The following KIF3B variants were observed in gnomAD, a reference collection of about 807,000 sequenced individuals.
KIF3B encodes kinesin family member 3B.
Under a neutral mutation model 74.3 loss-of-function variants are expected in KIF3B, and 38 were observed. The ratio of observed to expected loss-of-function variants is 0.51; its 90% CI spans 0.39 to 0.67. The LOEUF (loss-of-function observed/expected upper bound fraction) is 0.67. Among genes scored for constraint, KIF3B ranks in the 30% least tolerant of loss-of-function variants. The pLI, the probability that KIF3B is intolerant of heterozygous loss-of-function variation, is 0.00. For missense variants in KIF3B, 649 were observed against 932.0 expected, an observed-to-expected ratio of 0.70 and a Z score of 3.95; for synonymous variants, 326 against 342.5, an observed-to-expected ratio of 0.95 and a Z score of 0.53.
intron 5 of KIF3B, among the ~76,000 whole-genome samples, chr20:32,317,202 A>C (rs1569204475): frequency 6.6e-6 from 1 of 152,098 alleles, no homozygotes; most frequent in Non-Finnish European, 1.5e-5. Context: ...GTGCCACTGC[A>C]CTCCAGCCTG....
At chr20:32,304,102 C>T (rs969404998) in intron 1 of KIF3B, among the ~76,000 whole-genome samples, 10 of 152,206 alleles carry the variant, frequency 6.6e-5, no homozygotes, top group Middle Eastern at 3.4e-3. Flanking sequence ...TTACAGAAAA[C>T]GGGTTCAGAG....
chr20:32,319,463 T>C (rs1315286648), intron 5 of KIF3B, among the ~76,000 whole-genome samples: 1 of 132,840 alleles, frequency 7.5e-6, no homozygotes, highest in Non-Finnish European at 1.6e-5. Flanking sequence ...CATTTTAAAA[T>C]GGGGTTGTTT....
At chr20:32,300,650 A>G (rs2047739056) in intron 1 of KIF3B, among the ~76,000 whole-genome samples, 1 of 152,038 alleles carries the variant, frequency 6.6e-6, no homozygotes, top group South Asian at 2.1e-4. Context: ...CTGGCCACAA[A>G]GAATCCTCCC....
At chr20:32,285,613 C>A (rs577961653) in intron 1 of KIF3B, among the ~76,000 whole-genome samples, 1 of 152,312 alleles carries the variant, frequency 6.6e-6, no homozygotes, top group East Asian at 1.9e-4. Flanking sequence ...TGCTGTGTGA[C>A]TTGGAGCAAG....
chr20:32,322,758 T>TTATATATATTTA lies in KIF3B; in HGVS notation c.1749-3993_1749-3982dup, dbSNP rs1288906607. Among the ~76,000 whole-genome samples the TTATATATATTTA allele has an allele frequency of 2.6e-3, 112 of 42,628 alleles. 16 individuals carry two copies. The highest frequency in any genetic ancestry group is 0.011 in the African/African-American group (95 of 8,454). The allele number at this position is 42,628 out of a possible 152,430, so 28.0% of individuals were successfully genotyped here. A position where few individuals can be genotyped will look rare whatever the true frequency, so the allele number is the denominator to read the frequency against. ...TATATATATTTATTTATATATATAT[T>TTATATATATTTA]TATATATATTTATATATATATTTAT... On this transcript the variant is annotated intron_variant, in intron 5 of 8. Coordinates refer to ENST00000375712, the MANE Select transcript of KIF3B (RefSeq NM_004798.4).
At chr20:32,289,244 G>T (rs1039498036) in intron 1 of KIF3B, among the ~76,000 whole-genome samples, 1 of 149,550 alleles carries the variant, frequency 6.7e-6, no homozygotes, top group African/African-American at 2.5e-5. Context: ...ACCCAGGCTG[G>T]AGTGCAGTGG....
chr20:32,300,321 G>A (rs1229850049), intron 1 of KIF3B, among the ~76,000 whole-genome samples: 5 of 150,416 alleles, frequency 3.3e-5, no homozygotes, highest in Non-Finnish European at 5.9e-5. Flanking sequence ...TCTGTCGCCC[G>A]GGCTGGAGTG....
intron 5 of KIF3B, among the ~76,000 whole-genome samples, chr20:32,324,281 G>C (rs528503971): frequency 6.6e-5 from 10 of 152,106 alleles, no homozygotes; most frequent in Non-Finnish European, 1.3e-4. Flanking sequence ...AAAAATTAAT[G>C]ATGTCTGAGC....
intron 1 of KIF3B, among the ~76,000 whole-genome samples, chr20:32,300,454 T>C (rs751996369): frequency 1.3e-5 from 2 of 152,074 alleles, no homozygotes; most frequent in Non-Finnish European, 2.9e-5. Context: ...TTTTTCTGTA[T>C]TTTTTTAGTA....
chr20:32,331,485 C>A lies in KIF3B; in HGVS notation c.*166C>A. ...ACTTAATCTGGTTGAACGTGCTGTT[C>A]CTAATCTGGCACTCAGCCCCTCTGG... On this transcript the variant is annotated 3_prime_UTR_variant, in exon 9 of 9. Coordinates refer to ENST00000375712, the MANE Select transcript of KIF3B (RefSeq NM_004798.4). 1.7e-6 allele frequency: 1 copy of A among 575,670 alleles called. No homozygotes were observed. The highest frequency in any genetic ancestry group is 2.4e-5 in the South Asian group (1 of 41,910). 35.7% of individuals were successfully genotyped at this position (575,670 alleles called of 1,614,324 possible).
intron 1 of KIF3B, among the ~76,000 whole-genome samples, chr20:32,283,405 G>A (rs569539910): frequency 1.3e-5 from 2 of 152,168 alleles, no homozygotes; most frequent in South Asian, 4.1e-4. Flanking sequence ...TCAGGAGGCT[G>A]AGGCAGGAGA....
intron 5 of KIF3B, among the ~76,000 whole-genome samples, chr20:32,321,428 CAAA>C (rs566740586): frequency 7.9e-6 from 1 of 125,852 alleles, no homozygotes; most frequent in African/African-American, 2.7e-5. Context: ...GACTCTGTCT[CAAA>C]AAAAAAAAAA....
At chr20:32,279,031 C>G (rs1159850290) in intron 1 of KIF3B, among the ~76,000 whole-genome samples, 1 of 148,118 alleles carries the variant, frequency 6.8e-6, no homozygotes, top group South Asian at 2.1e-4. Flanking sequence ...TCAAGCGATT[C>G]TCCTGCCTCA....
In KIF3B at chr20:32,310,269, T is replaced by C; in HGVS notation, c.492T>C (p.Leu164=). Residue 164 remains leucine (L), a synonymous_variant, in exon 2 of 9, where the codon CTT becomes CTC. Transcript: ENST00000375712. The surrounding 1 kb of genome is among the most constrained non-coding windows in gnomAD (Gnocchi z 6.5). ...TCTCAAAGGATCAGACCAAAAGGCT[T>C]GAGCTCAAAGAGAGGCCTGACACAG... The part of the protein sequence containing the change: ...DLLSKDQTKR[L]ELKERPDTGV... 2 of 1,613,886 alleles carry C rather than the reference T, an allele frequency of 1.2e-6. No individual in the cohort carries two copies. The highest frequency in any genetic ancestry group is 1.7e-6 in the Non-Finnish European group (2 of 1,179,944).
rs183200949 is a variant in KIF3B at position 32,305,256 on chromosome 20, G to A, written c.-65-4457G>A. ...GTGCACCTATAGTCCCAGCTACTTG[G>A]GAGGCCGAGGTGGGAGGAGATCACT... On this transcript the variant is annotated intron_variant, in intron 1 of 8. Transcript: ENST00000375712. Among the ~76,000 whole-genome samples, 181 of 152,074 alleles carry A rather than the reference G, an allele frequency of 1.2e-3. 1 individual carries two copies. The highest frequency in any genetic ancestry group is 4.0e-3 in the African/African-American group (166 of 41,494).
In KIF3B at chr20:32,299,379, G is replaced by GTATATATATATATA. The variant is rs1555895040; in HGVS notation, c.-65-10322_-65-10309dup. Among the ~76,000 whole-genome samples, 35 of 23,074 alleles carry GTATATATATATATA rather than the reference G, an allele frequency of 1.5e-3. 1 individual carries two copies. Among genetic ancestry groups the GTATATATATATATA allele is most frequent in the East Asian group, 8.4e-3 (4 of 476 alleles). The allele number at this position is 23,074 out of a possible 152,430, so 15.1% of individuals were successfully genotyped here. On this transcript the variant is annotated intron_variant, in intron 1 of 8. Coordinates refer to ENST00000375712, the MANE Select transcript of KIF3B (RefSeq NM_004798.4). ...CTTGTAACTACTGAATGGTGTGTGT[G>GTATATATATATATA]TATATATATATATATATATATATAT...
chr20:32,293,890 T>C (rs2047704496), intron 1 of KIF3B, among the ~76,000 whole-genome samples: 1 of 152,180 alleles, frequency 6.6e-6, no homozygotes, highest in African/African-American at 2.4e-5. Context: ...TATATGGGTT[T>C]ATATATGGGT....
intron 1 of KIF3B, among the ~76,000 whole-genome samples, chr20:32,305,668 C>T (rs1186074791): frequency 1.3e-5 from 2 of 149,278 alleles, no homozygotes; most frequent in African/African-American, 2.5e-5. Flanking sequence ...CTGCAGCCTC[C>T]GCCTCCCAGG....
At chr20:32,301,235 A>G (rs1046962721) in intron 1 of KIF3B, among the ~76,000 whole-genome samples, 30 of 150,928 alleles carry the variant, frequency 2.0e-4, no homozygotes, top group South Asian at 4.2e-4. Flanking sequence ...CTACAGGCAC[A>G]TGCCACCACA....
Sources: allele counts gnomAD v4.1 joint callset (sites outside exome capture counted in the v4.1 genomes callset), GRCh38; gene constraint gnomAD v4.1.1; non-coding constraint Gnocchi (gnomAD v3.1); transcripts MANE v1.5; gene names NCBI Gene and HGNC (gene_info 2026-07-23, HGNC 2026-07-21).